The following ZFAND6 variants were observed in gnomAD, a reference collection of about 807,000 sequenced individuals.
The protein encoded by ZFAND6 is AN1-type zinc finger protein 6.
In ZFAND6, 12 loss-of-function variants were observed where a neutral mutation model predicts 24.5. The ratio of observed to expected loss-of-function variants is 0.49; its 90% CI spans 0.31 to 0.79. The LOEUF (loss-of-function observed/expected upper bound fraction) is 0.79, where lower values mean the gene tolerates loss of function less well. ZFAND6 is among the 30% of genes least tolerant of loss of function. The probability of loss-of-function intolerance (pLI) is 0.04; values close to 1 mark genes in which losing one functional copy is unlikely to be tolerated. For synonymous variants in ZFAND6, 92 were observed against 81.5 expected (o/e 1.13, Z -0.69); for missense variants, 207 against 245.9 (o/e 0.84, Z 1.06).
chr15:80,077,697 CTTTTTTTTTT>C (rs11441423), intron 1 of ZFAND6, among the ~76,000 whole-genome samples: 1 of 115,308 alleles, frequency 8.7e-6, no homozygotes, highest in Non-Finnish European at 1.7e-5. Flanking sequence ...AGTTTTCTTT[CTTTTTTTTTT>C]TTTTTTTTTG....
chr15:80,080,378 T>C (rs1052619718), intron 1 of ZFAND6, among the ~76,000 whole-genome samples: 13 of 152,242 alleles, frequency 8.5e-5, no homozygotes, highest in Non-Finnish European at 1.3e-4. Context: ...ATGGGAGATA[T>C]GTTTGAAGAC....
At chr15:80,062,923 C>T (rs778220677) in intron 1 of ZFAND6, among the ~76,000 whole-genome samples, 1 of 152,054 alleles carries the variant, frequency 6.6e-6, no homozygotes, top group Non-Finnish European at 1.5e-5. Context: ...AAGAACTTAC[C>T]GAAATGTAAT....
At chr15:80,087,143 A>G (rs777674699) in intron 1 of ZFAND6, among the ~76,000 whole-genome samples, 5 of 152,174 alleles carry the variant, frequency 3.3e-5, no homozygotes, top group Non-Finnish European at 7.3e-5. Context: ...AGTGTGTGGC[A>G]TATGTTTTTG....
chr15:80,097,686 A>G (rs1356346163), intron 1 of ZFAND6, among the ~76,000 whole-genome samples: 2 of 152,206 alleles, frequency 1.3e-5, no homozygotes, highest in African/African-American at 4.8e-5. Flanking sequence ...ACATACATTT[A>G]TTTTTGCAGT....
chr15:80,119,051 C>T (rs944740770), intron 2 of ZFAND6, among the ~76,000 whole-genome samples: 4 of 151,896 alleles, frequency 2.6e-5, no homozygotes, highest in Non-Finnish European at 5.9e-5. Context: ...TCGGAGTAAC[C>T]TTCACTTAGG....
At chr15:80,059,237 G>C (rs972045665), upstream of ZFAND6, among the ~76,000 whole-genome samples, 1 of 152,242 alleles carries the variant, frequency 6.6e-6, no homozygotes, top group South Asian at 2.1e-4. Flanking sequence ...GGCAGGTGGA[G>C]TGCAACTCTT....
At chr15:80,073,454 CTTTG>C (rs1270865772) in intron 1 of ZFAND6, 1 of 178,778 alleles carries the variant, frequency 5.6e-6, no homozygotes, top group Admixed American at 6.0e-5. Flanking sequence ...TATTGTTGCT[CTTTG>C]TTCTCATAGA....
At chr15:80,065,230 C>T (rs761383804) in intron 1 of ZFAND6, among the ~76,000 whole-genome samples, 33 of 151,462 alleles carry the variant, frequency 2.2e-4, no homozygotes, top group Middle Eastern at 6.8e-3. Context: ...GAAATAACCT[C>T]CCTTATTTTT....
At chr15:80,086,184 A>G (rs559167813) in intron 1 of ZFAND6, among the ~76,000 whole-genome samples, 23 of 152,228 alleles carry the variant, frequency 1.5e-4, no homozygotes, top group African/African-American at 4.3e-4. Context: ...GATTACAGGC[A>G]TGCACCACCA....
intron 2 of ZFAND6, among the ~76,000 whole-genome samples, chr15:80,114,305 T>C (rs1270835571): frequency 2.0e-5 from 3 of 152,230 alleles, no homozygotes; most frequent in Non-Finnish European, 4.4e-5. Context: ...TTCCAGCTGC[T>C]GCCGACCTGA....
intron 2 of ZFAND6, among the ~76,000 whole-genome samples, chr15:80,119,805 C>T (rs1003347173): frequency 1.3e-5 from 2 of 152,082 alleles, no homozygotes; most frequent in African/African-American, 4.8e-5. Context: ...AAGATTGAAC[C>T]AATTTATTAT....
intron 1 of ZFAND6, among the ~76,000 whole-genome samples, chr15:80,084,463 A>T (rs1163064101): frequency 6.6e-6 from 1 of 152,244 alleles, no homozygotes; most frequent in East Asian, 1.9e-4. Context: ...ATACTTCCTA[A>T]TAACTGAGGC....
intron 6 of ZFAND6, 58 bp from the exon 7 acceptor site, chr15:80,137,422 G>A: frequency 6.4e-7 from 1 of 1,555,708 alleles, no homozygotes; most frequent in Non-Finnish European, 8.6e-7. Flanking sequence ...TATTAATTAT[G>A]CCAAAGACCT....
rs1251452146 is a variant in ZFAND6, at chr15:80,092,877, G to A, written c.-180-5539G>A. Among the ~76,000 whole-genome samples, 3 of 151,958 alleles carry A rather than the reference G, an allele frequency of 2.0e-5. No homozygotes were observed. The East Asian group carries it at 5.8e-4, about 29-fold the overall frequency. ...AAAATACTTTTATATTTAGCTCTCT[G>A]AAGAAGTCTTTTGGTCTCAAAATAC... On this transcript the variant is annotated intron_variant, in intron 1 of 6. Coordinates refer to ENST00000261749, the MANE Select transcript of ZFAND6 (RefSeq NM_019006.4).
intron 1 of ZFAND6, among the ~76,000 whole-genome samples, chr15:80,077,995 G>A (rs554433535): frequency 4.6e-5 from 7 of 152,112 alleles, no homozygotes; most frequent in African/African-American, 9.6e-5. Flanking sequence ...CACCGCGCCC[G>A]GCTTTCAAAA....
chr15:80,102,391 AG>A (rs1348897952), intron 2 of ZFAND6, among the ~76,000 whole-genome samples: 3 of 152,194 alleles, frequency 2.0e-5, no homozygotes, highest in Non-Finnish European at 4.4e-5. Flanking sequence ...CTAGGATTAC[AG>A]GTGTGAGCCC....
At chr15:80,114,588 T>C (rs1334265349) in intron 2 of ZFAND6, among the ~76,000 whole-genome samples, 1 of 152,148 alleles carries the variant, frequency 6.6e-6, no homozygotes, top group Non-Finnish European at 1.5e-5. Context: ...GGGTGAAGCA[T>C]TTCAAAATAA....
intron 2 of ZFAND6, among the ~76,000 whole-genome samples, chr15:80,119,642 C>T (rs140607491): frequency 2.2e-4 from 34 of 151,728 alleles, no homozygotes; most frequent in South Asian, 6.2e-4. Flanking sequence ...TTATAAATAA[C>T]GCTGTGAAGC....
chr15:80,108,727 G>T (rs1040244314), intron 2 of ZFAND6, among the ~76,000 whole-genome samples: 3 of 96,466 alleles, frequency 3.1e-5, no homozygotes, highest in African/African-American at 9.4e-5. Context: ...AGGCATCCTT[G>T]TTTTTTTGTT....
Sources: allele counts gnomAD v4.1 joint callset (sites outside exome capture counted in the v4.1 genomes callset), GRCh38; gene constraint gnomAD v4.1.1; transcripts MANE v1.5; gene names NCBI Gene and HGNC (gene_info 2026-07-23, HGNC 2026-07-21).